The following CWC27 variants were observed in gnomAD, a reference collection of about 807,000 sequenced individuals.
The protein encoded by CWC27 is CWC27 spliceosome associated cyclophilin, also known as spliceosome-associated protein CWC27 homolog.
Under a neutral mutation model 63.6 loss-of-function variants are expected in CWC27, and 47 were observed. That is an observed-to-expected ratio of 0.74 (90% CI 0.58 to 0.94). The LOEUF is 0.94. CWC27 is among the 40% of genes least tolerant of loss of function. CWC27 has a pLI of 0.00. For missense variants in CWC27, 495 were observed against 554.3 expected (o/e 0.89, Z 1.07); for synonymous variants, 175 against 179.8 (o/e 0.97, Z 0.22).
intron 11 of CWC27, among the ~76,000 whole-genome samples, chr5:64,890,473 C>T (rs1280488339): frequency 6.6e-6 from 1 of 152,068 alleles, no homozygotes; most frequent in East Asian, 1.9e-4. Flanking sequence ...CTACTTAATA[C>T]CATGTAAAAT....
At chr5:64,976,192 T>C (rs1749225851) in intron 12 of CWC27, among the ~76,000 whole-genome samples, 1 of 152,234 alleles carries the variant, frequency 6.6e-6, no homozygotes, top group Non-Finnish European at 1.5e-5. Context: ...TTTGTATGAG[T>C]AATGCTGCAG....
At chr5:64,903,943 C>T (rs1747566262) in intron 11 of CWC27, among the ~76,000 whole-genome samples, 1 of 152,170 alleles carries the variant, frequency 6.6e-6, no homozygotes. Context: ...CCATTGTATG[C>T]ATATAACACA....
intron 11 of CWC27, among the ~76,000 whole-genome samples, chr5:64,955,888 T>C (rs1285923285): frequency 6.6e-6 from 1 of 152,098 alleles, no homozygotes; most frequent in Non-Finnish European, 1.5e-5. Flanking sequence ...ATTAAAATTA[T>C]TAGGAAAAAA....
intron 10 of CWC27, among the ~76,000 whole-genome samples, chr5:64,836,221 C>T (rs1476156756): frequency 6.6e-6 from 1 of 151,738 alleles, no homozygotes; most frequent in African/African-American, 2.4e-5. Context: ...TGCTGAAGCC[C>T]CTCTTTTTCC....
At chr5:64,877,491 T>C (rs1053482815) in intron 10 of CWC27, among the ~76,000 whole-genome samples, 3 of 151,938 alleles carry the variant, frequency 2.0e-5, no homozygotes, top group African/African-American at 4.8e-5. Context: ...CCATCCTCAA[T>C]AGCAGAGTAG....
intron 5 of CWC27, among the ~76,000 whole-genome samples, chr5:64,785,835 G>T (rs1003769916): frequency 2.0e-5 from 3 of 151,978 alleles, no homozygotes; most frequent in African/African-American, 7.2e-5. Context: ...AAGGAATTAG[G>T]TTTATTTAGC....
chr5:64,958,604 A>G (rs955719988), intron 11 of CWC27, among the ~76,000 whole-genome samples: 3 of 152,182 alleles, frequency 2.0e-5, no homozygotes, highest in Admixed American at 1.3e-4. Context: ...TACAGTCGAA[A>G]ATCAGTGAGT....
At chr5:65,002,390 G>A (rs1749746594) in intron 13 of CWC27, among the ~76,000 whole-genome samples, 1 of 151,932 alleles carries the variant, frequency 6.6e-6, no homozygotes, top group Admixed American at 6.5e-5. Context: ...TCCTTGAGGT[G>A]CATAAATCGT....
At chr5:64,897,807 C>T (rs1471486821) in intron 11 of CWC27, among the ~76,000 whole-genome samples, 3 of 152,110 alleles carry the variant, frequency 2.0e-5, no homozygotes, top group Admixed American at 6.5e-5. Context: ...GGCCTAGAAT[C>T]TCCACATAAC....
rs76461582 is a variant in CWC27 at position 64,889,957 on chromosome 5, A to G, written c.1042+4411A>G. Among the ~76,000 whole-genome samples, 451 of 152,310 alleles carry G rather than the reference A, an allele frequency of 3.0e-3. 20 individuals carry two copies. The East Asian group carries it at 0.076, about 26-fold the overall frequency. Reference sequence around the variant, plus strand: ...TGTCTTGGCTCTGTCAGGTTCTTTAATAAACTATATAATCCTTTTCATTAA... The same window carrying G: ...TGTCTTGGCTCTGTCAGGTTCTTTAGTAAACTATATAATCCTTTTCATTAA... On this transcript the variant is annotated intron_variant, in intron 11 of 13. Transcript: ENST00000381070.
At chr5:64,777,124 G>T (rs1580580774) in intron 2 of CWC27, among the ~76,000 whole-genome samples, 1 of 152,100 alleles carries the variant, frequency 6.6e-6, no homozygotes, top group Non-Finnish European at 1.5e-5. Flanking sequence ...TTATAGACAA[G>T]TGGGGAGCAG....
chr5:64,802,388 A>G (rs1744518391), intron 9 of CWC27, among the ~76,000 whole-genome samples: 1 of 152,186 alleles, frequency 6.6e-6, no homozygotes, highest in African/African-American at 2.4e-5. Flanking sequence ...ACAGAGCTTC[A>G]TAGGCCATGG....
chr5:64,885,421 T>C (rs764840641), intron 10 of CWC27, 22 bp from the exon 11 acceptor site: 4 of 1,521,468 alleles, frequency 2.6e-6, no homozygotes, highest in East Asian at 2.3e-5. Context: ...TATATACTTA[T>C]ATAACTCTTT....
At chr5:65,006,647 A>G (rs1001382526) in intron 13 of CWC27, among the ~76,000 whole-genome samples, 8 of 152,228 alleles carry the variant, frequency 5.3e-5, no homozygotes, top group Non-Finnish European at 8.8e-5. Flanking sequence ...TAATTCAAAT[A>G]AAAATACCAG....
intron 13 of CWC27, among the ~76,000 whole-genome samples, chr5:64,989,917 C>T (rs985164369): frequency 6.6e-6 from 1 of 151,824 alleles, no homozygotes; most frequent in Admixed American, 6.6e-5. Flanking sequence ...TAGGCTAGTA[C>T]CTGATGCTTA....
intron 11 of CWC27, among the ~76,000 whole-genome samples, chr5:64,903,439 C>T (rs576295891): frequency 8.6e-5 from 13 of 152,044 alleles, no homozygotes; most frequent in East Asian, 5.8e-4. Flanking sequence ...GAAAACCAAA[C>T]GCTACATGTT....
chr5:64,803,966 T>C (rs1342030480), intron 9 of CWC27, among the ~76,000 whole-genome samples: 1 of 152,140 alleles, frequency 6.6e-6, no homozygotes, highest in Non-Finnish European at 1.5e-5. Flanking sequence ...AGAAGTCTGC[T>C]GCACAAAGGA....
chr5:64,781,015 C>T (rs1187031735), intron 2 of CWC27, among the ~76,000 whole-genome samples: 1 of 152,126 alleles, frequency 6.6e-6, no homozygotes, highest in Non-Finnish European at 1.5e-5. Flanking sequence ...TTCCTGCTTC[C>T]CACTCAATTT....
At chr5:64,840,775 G>A (rs1005288828) in intron 10 of CWC27, among the ~76,000 whole-genome samples, 1 of 152,058 alleles carries the variant, frequency 6.6e-6, no homozygotes, top group Non-Finnish European at 1.5e-5. Flanking sequence ...TGGATTAGAA[G>A]GCCCTGAGGC....
Sources: allele counts gnomAD v4.1 joint callset (sites outside exome capture counted in the v4.1 genomes callset), GRCh38; gene constraint gnomAD v4.1.1; transcripts MANE v1.5; gene names NCBI Gene and HGNC (gene_info 2026-07-23, HGNC 2026-07-21).